The following SULF1 variants were observed in gnomAD, a reference collection of about 807,000 sequenced individuals.
SULF1 encodes extracellular sulfatase Sulf-1.
Under a neutral mutation model 110.5 loss-of-function variants are expected in SULF1, and 46 were observed. The ratio of observed to expected loss-of-function variants is 0.42; its 90% CI spans 0.33 to 0.53. The LOEUF is 0.53. SULF1 is among the 20% of genes least tolerant of loss of function. The pLI is 0.12. For missense variants in SULF1, 941 were observed against 1,094.2 expected (o/e 0.86, Z 1.98); for synonymous variants, 371 against 387.1 (o/e 0.96, Z 0.49).
chr8:69,566,748 G>A (rs1474836772), intron 5 of SULF1, among the ~76,000 whole-genome samples: 2 of 152,194 alleles, frequency 1.3e-5, no homozygotes, highest in African/African-American at 4.8e-5. Context: ...CTACTCTGGA[G>A]GCTGAGGCAG....
intron 3 of SULF1, among the ~76,000 whole-genome samples, chr8:69,553,100 A>G (rs1160099890): frequency 6.6e-6 from 1 of 152,218 alleles, no homozygotes; most frequent in African/African-American, 2.4e-5. Flanking sequence ...CACCTCCTTC[A>G]CATTAGCTCT....
chr8:69,520,128 C>A (rs909630612), intron 3 of SULF1, among the ~76,000 whole-genome samples: 3 of 151,326 alleles, frequency 2.0e-5, no homozygotes, highest in Non-Finnish European at 4.4e-5. Flanking sequence ...CACACACACA[C>A]ACACACACAC....
chr8:69,657,989 C>A (rs1417968953), intron 22 of SULF1, among the ~76,000 whole-genome samples: 1 of 152,162 alleles, frequency 6.6e-6, no homozygotes, highest in Non-Finnish European at 1.5e-5. Context: ...AGCTTAATTG[C>A]ATTCAGATTT....
intron 1 of SULF1, among the ~76,000 whole-genome samples, chr8:69,483,197 T>G (rs895602456): frequency 6.6e-6 from 1 of 152,228 alleles, no homozygotes; most frequent in Admixed American, 6.5e-5. Flanking sequence ...CGAGGGAGAC[T>G]GTATTTATAA....
chr8:69,534,823 A>G (rs2197030), intron 3 of SULF1, among the ~76,000 whole-genome samples: 17,170 of 152,060 alleles, frequency 0.11, 1,859 homozygotes, highest in East Asian at 0.41. Flanking sequence ...GAACTGCCCT[A>G]AACATAGACG....
intron 3 of SULF1, among the ~76,000 whole-genome samples, chr8:69,526,140 G>A (rs951576457): frequency 2.0e-5 from 3 of 152,052 alleles, no homozygotes; most frequent in South Asian, 2.1e-4. Context: ...CTGCAAGACC[G>A]TGCCAGCTTA....
intron 3 of SULF1, among the ~76,000 whole-genome samples, chr8:69,517,242 C>T (rs1384902195): frequency 6.6e-6 from 1 of 152,156 alleles, no homozygotes; most frequent in Non-Finnish European, 1.5e-5. Flanking sequence ...TGATAGCCAA[C>T]ACATTCCCAC....
intron 2 of SULF1, among the ~76,000 whole-genome samples, chr8:69,497,134 TA>T (rs1365584616): frequency 4.0e-5 from 6 of 150,028 alleles, no homozygotes; most frequent in African/African-American, 1.5e-4. Flanking sequence ...TGACGGAAGC[TA>T]AAACAGAATG....
Position 69,660,526 on chromosome 8 carries a change from C to T in SULF1, c.*1991C>T, listed in dbSNP as rs1332322961. 1 of 152,608 alleles carries T rather than the reference C, an allele frequency of 6.6e-6. No individual in the cohort carries two copies. The highest frequency in any genetic ancestry group is 1.5e-5 in the Non-Finnish European group (1 of 68,030). 9.5% of individuals were successfully genotyped at this position (152,608 alleles called of 1,614,324 possible). On this transcript the variant is annotated 3_prime_UTR_variant, in exon 23 of 23. Transcript: ENST00000402687. ...AGCTCCCCAAGATGATGTGTTTTTG[C>T]TTACCCTAAGAGAGGTTTTCTTCTT...
At chr8:69,550,266 TTC>T (rs1373802133) in intron 3 of SULF1, among the ~76,000 whole-genome samples, 1 of 152,114 alleles carries the variant, frequency 6.6e-6, no homozygotes, top group African/African-American at 2.4e-5. Flanking sequence ...AATCTCAGTT[TTC>T]TCATTTAAAA....
chr8:69,594,831 T>A (rs1006732356), intron 8 of SULF1, among the ~76,000 whole-genome samples: 21 of 152,216 alleles, frequency 1.4e-4, no homozygotes, highest in Admixed American at 4.6e-4. Context: ...GCTTGTTTAC[T>A]TAGATCCCTG....
At position 69,659,079 on chromosome 8, in the gene SULF1, C is replaced by G. The variant is rs1394067677; in HGVS notation, c.*544C>G. 1 of 457,020 alleles carries G rather than the reference C, an allele frequency of 2.2e-6. No homozygotes were observed. The highest frequency in any genetic ancestry group is 6.9e-5 in the East Asian group (1 of 14,392). The allele number at this position is 457,020 out of a possible 1,614,324, so 28.3% of individuals were successfully genotyped here. A position where few individuals can be genotyped will look rare whatever the true frequency, so the allele number is the denominator to read the frequency against. ...CCAGCCCCAGGCTGCAGCCCATTCG[C>G]AGGCACCCGAAAGAACTTCCCCAGT... is the stretch of plus-strand genomic sequence containing the variant. On this transcript the variant is annotated 3_prime_UTR_variant, in exon 23 of 23. Coordinates refer to ENST00000402687, the MANE Select transcript of SULF1 (RefSeq NM_001128205.2).
chr8:69,578,764 C>T (rs1482239543), intron 6 of SULF1, among the ~76,000 whole-genome samples: 3 of 151,974 alleles, frequency 2.0e-5, no homozygotes, highest in Non-Finnish European at 2.9e-5. Context: ...AACCTTTTCC[C>T]CAGGGTTTAG....
In SULF1 at chr8:69,599,321, C is replaced by T. The variant is rs542826244; in HGVS notation, c.735-1282C>T. On this transcript the variant is annotated intron_variant, in intron 8 of 22. Coordinates refer to ENST00000402687, the MANE Select transcript of SULF1 (RefSeq NM_001128205.2). Reference sequence around the variant, plus strand: ...TCGGTCACATAAACTGTTGCTCATTCTGTGAGGCTGCCTATTTGTAAAGTT... The same window carrying T: ...TCGGTCACATAAACTGTTGCTCATTTTGTGAGGCTGCCTATTTGTAAAGTT... Among the ~76,000 whole-genome samples, 9 of 152,340 alleles carry T rather than the reference C, an allele frequency of 5.9e-5. No homozygotes were observed. The South Asian group carries it at 1.9e-3, about 32-fold the overall frequency.
chr8:69,642,799 CT>C (rs1811581179), intron 22 of SULF1, among the ~76,000 whole-genome samples: 1 of 152,144 alleles, frequency 6.6e-6, no homozygotes, highest in Non-Finnish European at 1.5e-5. Flanking sequence ...GAAGTCACCC[CT>C]GGCCAACTTT....
chr8:69,524,882 C>T (rs1232174288), intron 3 of SULF1, among the ~76,000 whole-genome samples: 1 of 152,018 alleles, frequency 6.6e-6, no homozygotes, highest in East Asian at 1.9e-4. Flanking sequence ...CCAATTTACA[C>T]GTAGATGGTC....
intron 8 of SULF1, among the ~76,000 whole-genome samples, chr8:69,600,003 G>A (rs1807662617): frequency 6.6e-6 from 1 of 152,020 alleles, no homozygotes; most frequent in Non-Finnish European, 1.5e-5. Flanking sequence ...TAGCTTTATT[G>A]GTAAACATGT....
chr8:69,617,414 TA>T (rs1563592251), intron 13 of SULF1, among the ~76,000 whole-genome samples: 8 of 82,486 alleles, frequency 9.7e-5, no homozygotes, highest in Non-Finnish European at 1.8e-4. Context: ...TATATATATA[TA>T]TATATATATA....
At chr8:69,645,595 C>T (rs924863187) in intron 22 of SULF1, among the ~76,000 whole-genome samples, 3 of 152,220 alleles carry the variant, frequency 2.0e-5, no homozygotes, top group Non-Finnish European at 4.4e-5. Flanking sequence ...CCCAACCCAA[C>T]CCTGAGAAAT....
Sources: allele counts gnomAD v4.1 joint callset (sites outside exome capture counted in the v4.1 genomes callset), GRCh38; gene constraint gnomAD v4.1.1; transcripts MANE v1.5; gene names NCBI Gene and HGNC (gene_info 2026-07-23, HGNC 2026-07-21).